The following PCMTD1 variants were observed in gnomAD, a reference collection of about 807,000 sequenced individuals.
The protein encoded by PCMTD1 is protein-L-isoaspartate O-methyltransferase domain-containing protein 1.
Under a neutral mutation model 37.6 loss-of-function variants are expected in PCMTD1, and 12 were observed. The ratio of observed to expected loss-of-function variants is 0.32; its 90% CI spans 0.20 to 0.52. The LOEUF (loss-of-function observed/expected upper bound fraction) is 0.52. Among genes scored for constraint, PCMTD1 ranks in the 20% least tolerant of loss-of-function variants. The pLI is 0.97. For synonymous variants in PCMTD1, 117 were observed against 135.8 expected, an observed-to-expected ratio of 0.86 and a Z score of 0.96; for missense variants, 235 against 421.3, an observed-to-expected ratio of 0.56 and a Z score of 3.87.
chr8:51,873,902 TTTTTTC>T (rs550662534), intron 1 of PCMTD1, among the ~76,000 whole-genome samples: 27 of 151,978 alleles, frequency 1.8e-4, no homozygotes, highest in Admixed American at 5.2e-4. Context: ...TATTTCTTTT[TTTTTTC>T]TTTTTCTTTT....
intron 1 of PCMTD1, among the ~76,000 whole-genome samples, chr8:51,890,251 T>G (rs565589004): frequency 1.4e-4 from 21 of 152,222 alleles, no homozygotes; most frequent in African/African-American, 5.1e-4. Flanking sequence ...TTAAAAACGG[T>G]TTAGATGTAT....
chr8:51,830,741 T>C (rs2037986195), intron 5 of PCMTD1, among the ~76,000 whole-genome samples: 1 of 152,196 alleles, frequency 6.6e-6, no homozygotes. Flanking sequence ...TCTCTCTGTA[T>C]GAAAAAATGC....
chr8:51,855,097 G>A (rs1192956988), intron 2 of PCMTD1, among the ~76,000 whole-genome samples: 4 of 148,984 alleles, frequency 2.7e-5, no homozygotes, highest in East Asian at 4.0e-4. Flanking sequence ...TAGCTTGAAC[G>A]TGGAAGGCGG....
At chr8:51,862,228 AC>A (rs1173927557) in intron 1 of PCMTD1, among the ~76,000 whole-genome samples, 1 of 152,034 alleles carries the variant, frequency 6.6e-6, no homozygotes, top group Non-Finnish European at 1.5e-5. Flanking sequence ...AAATAAACAA[AC>A]CCCACACTCA....
At chr8:51,821,672 G>C (rs2037850261) in intron 5 of PCMTD1, among the ~76,000 whole-genome samples, 1 of 150,456 alleles carries the variant, frequency 6.6e-6, no homozygotes, top group African/African-American at 2.5e-5. Context: ...TTATAAAGAA[G>C]AAAAATAAGG....
chr8:51,847,179 A>T (rs1439953268), intron 2 of PCMTD1, among the ~76,000 whole-genome samples: 1 of 152,230 alleles, frequency 6.6e-6, no homozygotes, highest in Non-Finnish European at 1.5e-5. Flanking sequence ...TAAAATTTTT[A>T]TATTCAAAAT....
At chr8:51,839,767 A>AATT in intron 3 of PCMTD1, 1 of 330,330 alleles carries the variant, frequency 3.0e-6, no homozygotes, top group Non-Finnish European at 4.3e-6. Context: ...CCAGTGGAAT[A>AATT]GAGAAATTTC....
rs2037810816 is a variant in PCMTD1, at chr8:51,819,344, T to C, written c.*1007A>G. The C allele has an allele frequency of 6.6e-6, 1 of 151,876 alleles. No individual in the cohort carries two copies. Among genetic ancestry groups the C allele is most frequent in the Non-Finnish European group, 1.5e-5 (1 of 68,002 alleles). The allele number at this position is 151,876 out of a possible 1,614,324, so 9.4% of individuals were successfully genotyped here. On this transcript the variant is annotated 3_prime_UTR_variant, in exon 6 of 6. Transcript: ENST00000522514. ...AAGCAAATGTAGGCTCAGCCCTACC[T>C]TGTCAAAGATAAATATTCAGATAAA...
chr8:51,851,897 G>A (rs951939100), intron 2 of PCMTD1, among the ~76,000 whole-genome samples: 7 of 152,036 alleles, frequency 4.6e-5, no homozygotes, highest in African/African-American at 1.4e-4. Flanking sequence ...TGATCCGCCC[G>A]CCTCAGCCTC....
intron 1 of PCMTD1, among the ~76,000 whole-genome samples, chr8:51,891,928 G>C (rs887366312): frequency 3.3e-4 from 50 of 151,938 alleles, no homozygotes; most frequent in African/African-American, 1.1e-3. Flanking sequence ...CCATGTACTT[G>C]TTATTCAACA....
chr8:51,861,805 T>C lies in PCMTD1; in HGVS notation c.-95-559A>G, dbSNP rs1185943082. Among the ~76,000 whole-genome samples the C allele has an allele frequency of 3.9e-5, 6 of 151,932 alleles. No homozygotes were observed. The East Asian group carries it at 1.2e-3, about 29-fold the overall frequency. ...GGTATGATCTTGGCTCATCCCCTCC[T>C]GGGCTCAAGTAATCCTCCCACCTCA... On this transcript the variant is annotated intron_variant, in intron 1 of 5. Coordinates refer to ENST00000522514, the MANE Select transcript of PCMTD1 (RefSeq NM_052937.4).
At position 51,819,106 on chromosome 8, in the gene PCMTD1, T is replaced by G. The variant is rs1307747790; in HGVS notation, c.*1245A>C. 1 of 152,060 alleles carries G rather than the reference T, an allele frequency of 6.6e-6. No homozygotes were observed. Among genetic ancestry groups the G allele is most frequent in the Non-Finnish European group, 1.5e-5 (1 of 68,004 alleles). The allele number at this position is 152,060 out of a possible 1,614,324, so 9.4% of individuals were successfully genotyped here. A position where few individuals can be genotyped will look rare whatever the true frequency, so the allele number is the denominator to read the frequency against. Reference sequence around the variant, plus strand: ...GTTTTTTATCACTGATAAGCTAAAATAAAGCTCAAATATGGACAGTTTAAC... The same window carrying G: ...GTTTTTTATCACTGATAAGCTAAAAGAAAGCTCAAATATGGACAGTTTAAC... On this transcript the variant is annotated 3_prime_UTR_variant, in exon 6 of 6. Transcript: ENST00000522514.
At chr8:51,855,212 T>A (rs2038368191) in intron 2 of PCMTD1, among the ~76,000 whole-genome samples, 2 of 115,244 alleles carry the variant, frequency 1.7e-5, no homozygotes, top group African/African-American at 6.3e-5. Context: ...AAACATAATT[T>A]ATAATTCCTA....
chr8:51,850,941 T>C (rs139172555), intron 2 of PCMTD1, among the ~76,000 whole-genome samples: 60 of 152,182 alleles, frequency 3.9e-4, no homozygotes, highest in African/African-American at 1.4e-3. Context: ...TGTGGTATAA[T>C]GCACAAAAAT....
rs1042198564 is a variant in PCMTD1, at chr8:51,818,024, A to C, written c.*2327T>G. The C allele has an allele frequency of 2.3e-6, 1 of 443,430 alleles. No individual in the cohort carries two copies. The highest frequency in any genetic ancestry group is 2.0e-5 in the African/African-American group (1 of 49,516). The allele number at this position is 443,430 out of a possible 1,614,324, so 27.5% of individuals were successfully genotyped here. A position where few individuals can be genotyped will look rare whatever the true frequency, so the allele number is the denominator to read the frequency against. ...CCATCATTTTCACTTACTTTTACTT[A>C]ATCTTTATTTGCTACTTTTCCACCT... On this transcript the variant is annotated 3_prime_UTR_variant, in exon 6 of 6. Coordinates refer to ENST00000522514, the MANE Select transcript of PCMTD1 (RefSeq NM_052937.4).
chr8:51,832,323 C>T (rs1161289671), intron 4 of PCMTD1, among the ~76,000 whole-genome samples: 1 of 152,184 alleles, frequency 6.6e-6, no homozygotes, highest in Non-Finnish European at 1.5e-5. Flanking sequence ...TGGAAGCATT[C>T]TAATAACATT....
At chr8:51,824,429 G>T (rs972868212) in intron 5 of PCMTD1, among the ~76,000 whole-genome samples, 1 of 152,278 alleles carries the variant, frequency 6.6e-6, no homozygotes, top group East Asian at 1.9e-4. Context: ...CAAATCATGA[G>T]TGAACTCCCA....
chr8:51,821,929 G>T (rs2037854760), intron 5 of PCMTD1, among the ~76,000 whole-genome samples: 2 of 152,100 alleles, frequency 1.3e-5, no homozygotes, highest in African/African-American at 2.4e-5. Context: ...TACAGATGGG[G>T]TTTCACCATG....
chr8:51,862,800 T>C (rs1187673638), intron 1 of PCMTD1, among the ~76,000 whole-genome samples: 6 of 152,228 alleles, frequency 3.9e-5, no homozygotes, highest in Non-Finnish European at 8.8e-5. Context: ...GTAGAGGACA[T>C]ACTGTGAATT....
Sources: allele counts gnomAD v4.1 joint callset (sites outside exome capture counted in the v4.1 genomes callset), GRCh38; gene constraint gnomAD v4.1.1; transcripts MANE v1.5; gene names NCBI Gene and HGNC (gene_info 2026-07-23, HGNC 2026-07-21).